The following CCDC172 variants were observed in gnomAD, a reference collection of about 807,000 sequenced individuals.
CCDC172 encodes the protein coiled-coil domain containing 172.
CCDC172 carries 30 observed loss-of-function variants against 38.0 expected under a neutral mutation model. The observed-to-expected ratio is 0.79, with a 90% CI of 0.59 to 1.07. The LOEUF (loss-of-function observed/expected upper bound fraction) is 1.07, where lower values mean the gene tolerates loss of function less well. CCDC172 is among the 50% of genes least tolerant of loss of function. The probability of loss-of-function intolerance (pLI) is 0.00; values close to 1 mark genes in which losing one functional copy is unlikely to be tolerated. For synonymous variants in CCDC172, 78 were observed against 88.3 expected (o/e 0.88, Z 0.66); for missense variants, 297 against 290.1 (o/e 1.02, Z -0.17).
intron 7 of CCDC172, among the ~76,000 whole-genome samples, chr10:116,366,507 G>T (rs1845124609): frequency 6.6e-6 from 1 of 152,080 alleles, no homozygotes; most frequent in Admixed American, 6.6e-5. Flanking sequence ...TATACTATCT[G>T]GGATTTGTAT....
At chr10:116,357,026 A>T (rs952244769) in intron 5 of CCDC172, among the ~76,000 whole-genome samples, 6 of 152,114 alleles carry the variant, frequency 3.9e-5, no homozygotes, top group African/African-American at 1.4e-4. Flanking sequence ...AGAAAACGTT[A>T]ATAATTGCTG....
rs373054155 is a variant in CCDC172, at chr10:116,340,786, A to T, written c.218A>T (p.Glu73Val). Reference sequence around the variant, plus strand: ...TTCTTACAGCTTTTGAAAGCTCATGAAAATGCTTTAGAAAAACAGTACAGT... The same window carrying T: ...TTCTTACAGCTTTTGAAAGCTCATGTAAATGCTTTAGAAAAACAGTACAGT... ...SFFLQLLKAH[E>V]NALEKQYSEI... The change falls in exon 4 of 9, where the codon GAA (glutamate) becomes GTA (valine). Residue 73 changes from glutamate (E) to valine (V), a missense_variant. Physicochemically the swap from Glu to Val is moderately radical, Grantham distance 121. Coordinates refer to ENST00000333254, the MANE Select transcript of CCDC172 (RefSeq NM_198515.3). 3 of 1,606,918 alleles carry T rather than the reference A, an allele frequency of 1.9e-6. No homozygotes were observed. In the African/African-American group the frequency reaches 4.0e-5, roughly 22 times the overall value.
In CCDC172 at chr10:116,378,352, G is replaced by C. The variant is rs374609510; in HGVS notation, c.654-71G>C. The C allele has an allele frequency of 6.7e-5, 94 of 1,410,568 alleles. No individual in the cohort carries two copies. In the African/African-American group the frequency reaches 1.1e-3, roughly 16 times the overall value. The allele number at this position is 1,410,568 out of a possible 1,614,324, so 87.4% of individuals were successfully genotyped here. ...TTCTGATTATAGAAGCTACAAACTT[G>C]TCCCTCTCTGTGCAGTAATACAATT... is the stretch of plus-strand genomic sequence containing the variant. On this transcript the variant is annotated intron_variant, in intron 7 of 8. Transcript: ENST00000333254.
intron 3 of CCDC172, among the ~76,000 whole-genome samples, chr10:116,333,907 C>A (rs559773258): frequency 1.6e-4 from 24 of 152,268 alleles, no homozygotes; most frequent in Admixed American, 3.3e-4. Flanking sequence ...ACAGCTGTAC[C>A]TGTGATCTGA....
intron 5 of CCDC172, among the ~76,000 whole-genome samples, chr10:116,352,594 T>G (rs1844944413): frequency 6.6e-6 from 1 of 151,862 alleles, no homozygotes; most frequent in African/African-American, 2.4e-5. Flanking sequence ...CTCAATAAAC[T>G]AGGGATAGAA....
chr10:116,360,555 G>A (rs915778996), intron 7 of CCDC172, among the ~76,000 whole-genome samples: 6 of 151,954 alleles, frequency 3.9e-5, no homozygotes, highest in Non-Finnish European at 7.4e-5. Flanking sequence ...CTTTTTCTTC[G>A]ATGTGGAAAA....
intron 7 of CCDC172, among the ~76,000 whole-genome samples, chr10:116,359,483 C>T (rs1278259849): frequency 5.9e-5 from 9 of 152,034 alleles, no homozygotes; most frequent in Admixed American, 5.9e-4. Flanking sequence ...ACATTTTAGA[C>T]CAGATTATTC....
Position 116,325,026 on chromosome 10 carries a change from C to T in CCDC172, c.15C>T (p.Ser5=), listed in dbSNP as rs773656241. 2 of 1,614,028 alleles carry T rather than the reference C, an allele frequency of 1.2e-6. No individual in the cohort carries two copies. Among genetic ancestry groups the T allele is most frequent in the Non-Finnish European group, 1.7e-6 (2 of 1,180,002 alleles). MSLE[S]LFQHIIFTEH... ...CAGGCCCTGAGATGAGCTTGGAGTC[C>T]CTGTTTCAGCACATCATCTTCACCG... The change falls in exon 2 of 9, where the codon TCC becomes TCT. Residue 5 remains serine, a synonymous_variant. Coordinates refer to ENST00000333254, the MANE Select transcript of CCDC172 (RefSeq NM_198515.3).
intron 7 of CCDC172, among the ~76,000 whole-genome samples, chr10:116,377,923 G>A (rs555558226): frequency 6.6e-6 from 1 of 152,190 alleles, no homozygotes; most frequent in Non-Finnish European, 1.5e-5. Context: ...GCTAACACCT[G>A]TAATCCCAGC....
intron 7 of CCDC172, among the ~76,000 whole-genome samples, chr10:116,377,891 T>C (rs1845267234): frequency 6.6e-6 from 1 of 152,114 alleles, no homozygotes; most frequent in Non-Finnish European, 1.5e-5. Flanking sequence ...ATAAAATTAT[T>C]AAATGTCAGC....
At position 116,357,240 on chromosome 10, in the gene CCDC172, T is replaced by C. The variant is rs1845009431; in HGVS notation, c.449-140T>C. 4 of 554,876 alleles carry C rather than the reference T, an allele frequency of 7.2e-6. No individual in the cohort carries two copies. The South Asian group carries it at 7.5e-5, about 10-fold the overall frequency. 34.4% of individuals were successfully genotyped at this position (554,876 alleles called of 1,614,324 possible). ...CGTTAATTCTTCCAATCCATAGACA[T>C]GGATATCTTTTCACTTATTTGTGTT... On this transcript the variant is annotated intron_variant, in intron 5 of 8. Transcript: ENST00000333254.
chr10:116,370,543 T>G (rs578004787), intron 7 of CCDC172, among the ~76,000 whole-genome samples: 2 of 152,086 alleles, frequency 1.3e-5, no homozygotes, highest in East Asian at 3.9e-4. Flanking sequence ...TTACTCTGTC[T>G]GTCTTCTACT....
At position 116,343,184 on chromosome 10, in the gene CCDC172, A is replaced by T. The variant is rs192308190; in HGVS notation, c.448+983A>T. Among the ~76,000 whole-genome samples the T allele has an allele frequency of 1.3e-3, 192 of 152,276 alleles. 2 individuals carry two copies. The highest frequency in any genetic ancestry group is 3.3e-3 in the Admixed American group (51 of 15,288). On this transcript the variant is annotated intron_variant, in intron 5 of 8. Transcript: ENST00000333254. ...TGTCCAGTATTTCCTCATCTAAACT[A>T]GGTTCAATTGCACATGAGGCTCCTT... is the stretch of plus-strand genomic sequence containing the variant.
chr10:116,379,472 G>C lies in CCDC172; in HGVS notation c.*114G>C, dbSNP rs1845286483. The C allele has an allele frequency of 5.5e-6, 3 of 546,980 alleles. No homozygotes were observed. Among genetic ancestry groups the C allele is most frequent in the Non-Finnish European group, 9.3e-6 (3 of 324,316 alleles). 33.9% of individuals were successfully genotyped at this position (546,980 alleles called of 1,614,324 possible). On this transcript the variant is annotated 3_prime_UTR_variant, in exon 9 of 9. Coordinates refer to ENST00000333254, the MANE Select transcript of CCDC172 (RefSeq NM_198515.3). The stretch of plus-strand genomic sequence containing the variant: ...CAACGGATCCTTGTGGGAAATATGG[G>C]GTTTAAAATATTCAAATTGTTATTA...
At chr10:116,334,306 T>C (rs893322688) in intron 3 of CCDC172, among the ~76,000 whole-genome samples, 3 of 152,220 alleles carry the variant, frequency 2.0e-5, no homozygotes, top group Non-Finnish European at 4.4e-5. Context: ...ATGCAGTAGA[T>C]TACTTTTCAA....
At chr10:116,334,063 AG>A (rs1844699816) in intron 3 of CCDC172, among the ~76,000 whole-genome samples, 1 of 152,250 alleles carries the variant, frequency 6.6e-6, no homozygotes, top group Admixed American at 6.5e-5. Context: ...TTTCAAATGT[AG>A]TCTAATTTCT....
chr10:116,360,759 C>T (rs958200287), intron 7 of CCDC172, among the ~76,000 whole-genome samples: 19 of 152,096 alleles, frequency 1.2e-4, no homozygotes, highest in African/African-American at 4.3e-4. Flanking sequence ...CTCTGCTTCT[C>T]CATCTCTTAA....
intron 7 of CCDC172, among the ~76,000 whole-genome samples, chr10:116,377,361 C>T (rs1845259383): frequency 6.6e-6 from 1 of 152,236 alleles, no homozygotes; most frequent in East Asian, 1.9e-4. Context: ...TACATGGCAC[C>T]TAGCTCCAGA....
intron 5 of CCDC172, among the ~76,000 whole-genome samples, chr10:116,345,746 G>A (rs1187579150): frequency 6.6e-6 from 1 of 152,152 alleles, no homozygotes; most frequent in East Asian, 1.9e-4. Flanking sequence ...TAAAACGGCA[G>A]TGATATATCA....
Sources: allele counts gnomAD v4.1 joint callset (sites outside exome capture counted in the v4.1 genomes callset), GRCh38; gene constraint gnomAD v4.1.1; transcripts MANE v1.5; gene names NCBI Gene and HGNC (gene_info 2026-07-23, HGNC 2026-07-21).